PLCB4: variants seen among roughly 807,000 people sequenced by gnomAD.
The protein encoded by PLCB4 is phospholipase C beta 4.
PLCB4 carries 77 observed loss-of-function variants against 178.8 expected under a neutral mutation model. The ratio of observed to expected loss-of-function variants is 0.43; its 90% confidence interval spans 0.36 to 0.52. The LOEUF is 0.52. Among genes scored for constraint, PLCB4 ranks in the 20% least tolerant of loss-of-function variants. The pLI is 0.00. For synonymous variants in PLCB4, 496 were observed against 490.8 expected (o/e 1.01, Z -0.14); for missense variants, 1,024 against 1,453.4 (o/e 0.70, Z 4.80).
At chr20:9,133,675 G>C (rs150599274) in intron 2 of PLCB4, among the ~76,000 whole-genome samples, 1 of 152,168 alleles carries the variant, frequency 6.6e-6, no homozygotes, top group Non-Finnish European at 1.5e-5. Context: ...GAATGTTTGC[G>C]TGAGACCACT....
chr20:9,339,054 G>A lies in PLCB4; in HGVS notation c.369+17G>A. 6.2e-7 allele frequency: 1 copy of A among 1,601,366 alleles called. No individual in the cohort carries two copies. The highest frequency in any genetic ancestry group is 2.2e-5 in the East Asian group (1 of 44,638). ...GTAACTAAGGTAGCTTCAGTTAAAT[G>A]GCCTCCTTCTCTTCCCCACCATGTA... On this transcript the variant is annotated intron_variant, in intron 7 of 39. Coordinates refer to ENST00000378473, the MANE Select transcript of PLCB4 (RefSeq NM_001377142.1).
chr20:9,416,565 G>A (rs562843138), intron 25 of PLCB4, among the ~76,000 whole-genome samples: 4 of 152,234 alleles, frequency 2.6e-5, no homozygotes, highest in South Asian at 2.1e-4. Flanking sequence ...AGATGCAGGC[G>A]TAGTATTGTA....
chr20:9,218,049 G>A (rs560787558), intron 3 of PLCB4, among the ~76,000 whole-genome samples: 1 of 152,272 alleles, frequency 6.6e-6, no homozygotes, highest in Admixed American at 6.5e-5. Flanking sequence ...GTATTCCAGA[G>A]CCAGAATCCT....
chr20:9,261,139 G>A (rs1194033029), intron 3 of PLCB4, among the ~76,000 whole-genome samples: 1 of 151,966 alleles, frequency 6.6e-6, no homozygotes, highest in Non-Finnish European at 1.5e-5. Flanking sequence ...AAGCATGTGA[G>A]CAGATCACAT....
chr20:9,202,906 T>A (rs13042575), intron 2 of PLCB4, among the ~76,000 whole-genome samples: 1 of 151,724 alleles, frequency 6.6e-6, no homozygotes, highest in Non-Finnish European at 1.5e-5. Context: ...TCATGAAAAG[T>A]TTGCAGACTC....
At chr20:9,213,799 A>G (rs2093699378) in intron 2 of PLCB4, among the ~76,000 whole-genome samples, 2 of 152,126 alleles carry the variant, frequency 1.3e-5, no homozygotes, top group South Asian at 2.1e-4. Flanking sequence ...GAAGTTTCCA[A>G]TTTCTCTAAA....
intron 32 of PLCB4, among the ~76,000 whole-genome samples, chr20:9,450,647 T>G (rs1044179725): frequency 2.9e-5 from 4 of 139,736 alleles, no homozygotes; most frequent in Non-Finnish European, 1.6e-5. Context: ...AGTTTTCTTT[T>G]CTTTTCTTTT....
chr20:9,355,882 A>T (rs1347936636), intron 7 of PLCB4, among the ~76,000 whole-genome samples: 1 of 152,200 alleles, frequency 6.6e-6, no homozygotes, highest in East Asian at 1.9e-4. Context: ...ACTGACTTCC[A>T]CAATGGTTGA....
At chr20:9,390,716 A>G in intron 17 of PLCB4, 101 bp downstream of exon 17, 2 of 574,340 alleles carry the variant, frequency 3.5e-6, no homozygotes, top group East Asian at 3.0e-5. Flanking sequence ...AAAGATCTTC[A>G]TATTTATTTA....
At chr20:9,204,666 C>A (rs6077504) in intron 2 of PLCB4, among the ~76,000 whole-genome samples, 1 of 151,936 alleles carries the variant, frequency 6.6e-6, no homozygotes, top group Admixed American at 6.6e-5. Flanking sequence ...CCCGGCCGCT[C>A]TAAGACTTTC....
chr20:9,115,482 G>T (rs994498231), intron 2 of PLCB4, among the ~76,000 whole-genome samples: 10 of 149,838 alleles, frequency 6.7e-5, no homozygotes, highest in Non-Finnish European at 1.5e-4. Context: ...CAATGTGCAG[G>T]TTTGTTACAT....
At chr20:9,082,119 TTTC>T (rs1239726902) in intron 1 of PLCB4, among the ~76,000 whole-genome samples, 1 of 152,038 alleles carries the variant, frequency 6.6e-6, no homozygotes, top group African/African-American at 2.4e-5. Context: ...AGAAAAAAAA[TTTC>T]TTATTTCAAA....
chr20:9,304,860 A>C (rs6140914), intron 3 of PLCB4, among the ~76,000 whole-genome samples: 4,325 of 117,566 alleles, frequency 0.037, 209 homozygotes, highest in East Asian at 0.22. Context: ...TTTCTTTTTT[A>C]TTTTCTTTTT....
chr20:9,078,172 G>T, intron 1 of PLCB4, among the ~76,000 whole-genome samples: 1 of 151,934 alleles, frequency 6.6e-6, no homozygotes, highest in Admixed American at 6.6e-5. Flanking sequence ...GTAGAGACAG[G>T]GTCTCGCTAT....
chr20:9,227,087 C>T, intron 3 of PLCB4, among the ~76,000 whole-genome samples: 1 of 151,958 alleles, frequency 6.6e-6, no homozygotes, highest in South Asian at 2.1e-4. Context: ...TTTTCACTTG[C>T]TTGCTGATCA....
chr20:9,275,080 T>C (rs1368295636), intron 3 of PLCB4, among the ~76,000 whole-genome samples: 1 of 152,066 alleles, frequency 6.6e-6, no homozygotes, highest in East Asian at 1.9e-4. Flanking sequence ...TTTCTTATTG[T>C]ATTAGCCCGT....
chr20:9,322,792 A>G (rs192971570), intron 4 of PLCB4, among the ~76,000 whole-genome samples: 194 of 152,360 alleles, frequency 1.3e-3, no homozygotes, highest in Non-Finnish European at 1.8e-3. Flanking sequence ...AAAGAACTCT[A>G]TCCAAAAGCT....
intron 2 of PLCB4, among the ~76,000 whole-genome samples, chr20:9,183,069 G>T (rs2093273002): frequency 6.6e-6 from 1 of 152,074 alleles, no homozygotes; most frequent in Non-Finnish European, 1.5e-5. Flanking sequence ...TTAAACTACA[G>T]GGAGAGCACC....
At chr20:9,096,031 TTCA>T (rs2090899554) in intron 1 of PLCB4, among the ~76,000 whole-genome samples, 1 of 152,208 alleles carries the variant, frequency 6.6e-6, no homozygotes, top group Non-Finnish European at 1.5e-5. Context: ...TTGAGCAATT[TTCA>T]TTTACTTTTA....
Sources: allele counts gnomAD v4.1 joint callset (sites outside exome capture counted in the v4.1 genomes callset), GRCh38; gene constraint gnomAD v4.1.1; transcripts MANE v1.5; gene names NCBI Gene and HGNC (gene_info 2026-07-23, HGNC 2026-07-21).